PDE4D: variants seen among roughly 807,000 people sequenced by gnomAD.
The protein encoded by PDE4D is 3',5'-cyclic-AMP phosphodiesterase 4D.
A neutral mutation model predicts 87.4 loss-of-function variants in PDE4D; 24 were observed. The observed-to-expected ratio is 0.27, with a 90% confidence interval of 0.20 to 0.39. The LOEUF (loss-of-function observed/expected upper bound fraction) is 0.39. Among genes scored for constraint, PDE4D ranks in the 10% least tolerant of loss-of-function variants. The pLI is 1.00. For synonymous variants in PDE4D, 384 were observed against 383.2 expected (o/e 1.00, Z -0.02); for missense variants, 714 against 1,041.0 (o/e 0.69, Z 4.32).
At chr5:59,548,130 CTTTGAATT>C (rs1165618064) in intron 1 of PDE4D, among the ~76,000 whole-genome samples, 1 of 152,132 alleles carries the variant, frequency 6.6e-6, no homozygotes, top group Non-Finnish European at 1.5e-5. Context: ...TAGCTGTATC[CTTTGAATT>C]TTTGAGTTTC....
intron 1 of PDE4D, among the ~76,000 whole-genome samples, chr5:59,596,062 G>A: frequency 6.6e-6 from 1 of 151,226 alleles, no homozygotes; most frequent in East Asian, 1.9e-4. Flanking sequence ...TAGGAAGCTG[G>A]AAGAGGCTGC....
At chr5:60,133,049 A>G (rs1470606799) in intron 2 of PDE4D, among the ~76,000 whole-genome samples, 1 of 152,164 alleles carries the variant, frequency 6.6e-6, no homozygotes, top group Non-Finnish European at 1.5e-5. Flanking sequence ...ATGAAGAGCT[A>G]AATAATAAAA....
intron 1 of PDE4D, among the ~76,000 whole-genome samples, chr5:60,475,988 T>G (rs548272029): frequency 6.6e-6 from 1 of 152,262 alleles, no homozygotes; most frequent in African/African-American, 2.4e-5. Context: ...GAGTTATCCT[T>G]CACTATCCCT....
At chr5:60,382,307 T>C (rs1761917038) in intron 1 of PDE4D, among the ~76,000 whole-genome samples, 1 of 152,190 alleles carries the variant, frequency 6.6e-6, no homozygotes, top group Non-Finnish European at 1.5e-5. Context: ...TTTCTATATG[T>C]TTATTTGCGG....
rs902326720 is a variant in PDE4D at position 60,514,779 on chromosome 5, G to A, written n.70+7272C>T. Among the ~76,000 whole-genome samples, 3 of 151,816 alleles carry A rather than the reference G, an allele frequency of 2.0e-5. 1 individual carries two copies. The highest frequency in any genetic ancestry group is 2.0e-4 in the Admixed American group (3 of 15,248). On this transcript the variant is annotated intron_variant and non_coding_transcript_variant, in intron 1 of 2. Transcript: ENST00000506510. ...CTACAAGCTTTTCTTCTGAAATCAG[G>A]AATGAGAAAAAAATGCTTACCATCA...
At chr5:59,404,119 T>C (rs1401658652) in intron 1 of PDE4D, among the ~76,000 whole-genome samples, 2 of 152,254 alleles carry the variant, frequency 1.3e-5, no homozygotes, top group Admixed American at 1.3e-4. Context: ...GAAATGTCTA[T>C]TCAGGTGTTT....
At chr5:59,300,498 C>T (rs558947452) in intron 1 of PDE4D, among the ~76,000 whole-genome samples, 8 of 151,902 alleles carry the variant, frequency 5.3e-5, no homozygotes, top group Non-Finnish European at 8.8e-5. Context: ...AAGGTTTGAC[C>T]GTCTTAAATA....
intron 1 of PDE4D, among the ~76,000 whole-genome samples, chr5:59,485,397 C>A (rs1170219835): frequency 6.6e-6 from 1 of 151,932 alleles, no homozygotes; most frequent in Non-Finnish European, 1.5e-5. Flanking sequence ...ACCCACACTG[C>A]AAGTTTTTAA....
intron 2 of PDE4D, among the ~76,000 whole-genome samples, chr5:60,071,356 G>T (rs773338480): frequency 6.6e-6 from 1 of 151,890 alleles, no homozygotes; most frequent in Non-Finnish European, 1.5e-5. Flanking sequence ...GGTGCACACA[G>T]CCATCTAAAA....
chr5:59,302,376 T>G (rs1407865375), intron 1 of PDE4D, among the ~76,000 whole-genome samples: 2 of 152,188 alleles, frequency 1.3e-5, no homozygotes, highest in Non-Finnish European at 2.9e-5. Context: ...CTATTACTTT[T>G]TATAAAATTT....
At chr5:59,302,551 C>T (rs1770479382) in intron 1 of PDE4D, among the ~76,000 whole-genome samples, 1 of 150,762 alleles carries the variant, frequency 6.6e-6, no homozygotes, top group Non-Finnish European at 1.5e-5. Flanking sequence ...CCCCCAAGTC[C>T]CCAAAGTCCA....
chr5:59,800,669 T>C (rs1430570669), intron 1 of PDE4D, among the ~76,000 whole-genome samples: 7 of 151,742 alleles, frequency 4.6e-5, no homozygotes, highest in African/African-American at 1.5e-4. Context: ...GTTGCTATTG[T>C]ATAGCTGGCA....
At chr5:59,887,758 TAAATGTATCC>T (rs1415296857) in intron 1 of PDE4D, among the ~76,000 whole-genome samples, 2 of 152,112 alleles carry the variant, frequency 1.3e-5, no homozygotes, top group African/African-American at 4.8e-5. Flanking sequence ...TGTGTGTGTG[TAAATGTATCC>T]AAATTGAAAG....
chr5:60,495,848 T>C (rs1488054959), intron 1 of PDE4D, among the ~76,000 whole-genome samples: 1 of 152,224 alleles, frequency 6.6e-6, no homozygotes, highest in Admixed American at 6.5e-5. Flanking sequence ...GTATCTGAAA[T>C]AATTATCTAT....
chr5:59,335,827 G>C (rs1783826144), intron 1 of PDE4D, among the ~76,000 whole-genome samples: 1 of 152,142 alleles, frequency 6.6e-6, no homozygotes, highest in South Asian at 2.1e-4. Flanking sequence ...AATATAAATA[G>C]TTCAAAAGAC....
intron 1 of PDE4D, among the ~76,000 whole-genome samples, chr5:59,874,796 G>C (rs556833884): frequency 1.3e-5 from 2 of 152,138 alleles, no homozygotes; most frequent in Non-Finnish European, 2.9e-5. Context: ...CATATAGATG[G>C]GACTAATGGA....
intron 1 of PDE4D, among the ~76,000 whole-genome samples, chr5:60,408,969 T>A (rs1352144166): frequency 6.6e-6 from 1 of 152,224 alleles, no homozygotes; most frequent in Non-Finnish European, 1.5e-5. Context: ...TCAATAACTA[T>A]GTATTGAGCT....
chr5:59,761,749 G>C (rs1205554890), intron 1 of PDE4D, among the ~76,000 whole-genome samples: 1 of 152,012 alleles, frequency 6.6e-6, no homozygotes, highest in Non-Finnish European at 1.5e-5. Flanking sequence ...CCTCCTGAGG[G>C]ACCTACCTGA....
At chr5:59,394,425 C>T (rs525099) in intron 1 of PDE4D, among the ~76,000 whole-genome samples, 101,655 of 151,938 alleles carry the variant, frequency 0.67, 34,823 homozygotes, top group African/African-American at 0.8. Flanking sequence ...CCAAGATGTT[C>T]TGACAGCCTG....
Sources: gnomAD v4.1 joint callset for allele counts (sites outside exome capture counted in the v4.1 genomes callset) on GRCh38, gnomAD v4.1.1 for gene constraint, MANE v1.5 for transcripts, NCBI Gene and HGNC (gene_info 2026-07-23, HGNC 2026-07-21) for gene names.